GPHN: variants seen among roughly 807,000 people sequenced by gnomAD.
GPHN encodes gephyrin.
In GPHN, 17 loss-of-function variants were observed where a neutral mutation model predicts 95.5. That is an observed-to-expected ratio of 0.18 (90% CI 0.12 to 0.27). The LOEUF (loss-of-function observed/expected upper bound fraction) is 0.27, where lower values mean the gene tolerates loss of function less well. Ranked by LOEUF, GPHN falls within the 10% of genes least tolerant of loss-of-function variation. The probability of loss-of-function intolerance (pLI) is 1.00; values close to 1 mark genes in which losing one functional copy is unlikely to be tolerated. For synonymous variants in GPHN, 320 were observed against 322.5 expected, an observed-to-expected ratio of 0.99 and a Z score of 0.08; for missense variants, 660 against 978.1, an observed-to-expected ratio of 0.67 and a Z score of 4.34.
At chr14:67,407,284 G>T in the GPHN span, among the ~76,000 whole-genome samples, 4 of 151,906 alleles carry the variant, frequency 2.6e-5, no homozygotes, top group Non-Finnish European at 5.9e-5. Flanking sequence ...ACCACACCTG[G>T]CTAATTTTTT....
At chr14:67,337,097 T>C in the GPHN span, among the ~76,000 whole-genome samples, 1 of 152,262 alleles carries the variant, frequency 6.6e-6, no homozygotes, top group Non-Finnish European at 1.5e-5. Flanking sequence ...TATGTGCCTC[T>C]TATGGTTGTT....
intron 5 of GPHN, among the ~76,000 whole-genome samples, chr14:66,889,122 G>A (rs2064343161): frequency 6.6e-6 from 1 of 151,950 alleles, no homozygotes; most frequent in Non-Finnish European, 1.5e-5. Context: ...AATTGAAGAG[G>A]AAAATAGACA....
chr14:66,815,508 T>A (rs889642052), intron 3 of GPHN, among the ~76,000 whole-genome samples: 1 of 152,196 alleles, frequency 6.6e-6, no homozygotes, highest in Non-Finnish European at 1.5e-5. Flanking sequence ...TGGGGCCCAA[T>A]ATTCAGTATT....
At chr14:66,780,929 A>G (rs2059582681) in intron 3 of GPHN, among the ~76,000 whole-genome samples, 1 of 152,232 alleles carries the variant, frequency 6.6e-6, no homozygotes, top group Admixed American at 6.5e-5. Flanking sequence ...TATGCTACCT[A>G]TAGTATATAC....
chr14:67,675,877 C>T, the GPHN span, among the ~76,000 whole-genome samples: 47 of 152,228 alleles, frequency 3.1e-4, 1 homozygote, highest in African/African-American at 1.1e-3. Context: ...GGGCGGATCA[C>T]TTCAGGTCAA....
chr14:67,306,702 A>G, the GPHN span, among the ~76,000 whole-genome samples: 2 of 152,122 alleles, frequency 1.3e-5, no homozygotes, highest in South Asian at 4.1e-4. Flanking sequence ...ATAACTCTCA[A>G]TTGCAATATA....
the GPHN span, chr14:67,674,694 C>A: frequency 2.2e-6 from 1 of 456,816 alleles, no homozygotes; most frequent in African/African-American, 2.1e-5. Context: ...GGAGCGCCGG[C>A]GCGAAAGCCT....
At chr14:67,044,979 A>G (rs574431842) in intron 10 of GPHN, among the ~76,000 whole-genome samples, 4 of 152,242 alleles carry the variant, frequency 2.6e-5, no homozygotes, top group South Asian at 2.1e-4. Flanking sequence ...TTTCATCTCC[A>G]TACAGAATCC....
intron 18 of GPHN, among the ~76,000 whole-genome samples, chr14:67,150,453 C>CAAAAAAAAAAAAAAA (rs1164806975): frequency 2.9e-3 from 279 of 97,692 alleles, no homozygotes; most frequent in Middle Eastern, 0.018. Flanking sequence ...AAAAAAAAAA[C>CAAAAAAAAAAAAAAA]AAAAAAAAAA....
At chr14:67,651,012 A>G in the GPHN span, 1 of 1,291,490 alleles carries the variant, frequency 7.7e-7, no homozygotes, top group Non-Finnish European at 1.1e-6. Context: ...TGTCTGGGTC[A>G]ATACTGCCTT....
At position 66,867,167 on chromosome 14, in the gene GPHN, A is replaced by C. The variant is rs112604193; in HGVS notation, c.295-12772A>C. Among the ~76,000 whole-genome samples, 471 of 152,310 alleles carry C rather than the reference A, an allele frequency of 3.1e-3. 11 individuals carry two copies. Among genetic ancestry groups the C allele is most frequent in the African/African-American group, 0.011 (446 of 41,576 alleles). On this transcript the variant is annotated intron_variant, in intron 4 of 22. Transcript: ENST00000478722. Reference sequence around the variant, plus strand: ...TTTAAGAATATTAAAACCCCAAGAAAAGATGTTCATTAGCAATAAGATAAT... The same window carrying C: ...TTTAAGAATATTAAAACCCCAAGAACAGATGTTCATTAGCAATAAGATAAT...
intron 12 of GPHN, among the ~76,000 whole-genome samples, chr14:67,097,016 A>G (rs570342433): frequency 2.0e-5 from 3 of 152,346 alleles, no homozygotes; most frequent in East Asian, 3.9e-4. Context: ...TCGTGCATGA[A>G]TCTTCTAAGA....
the GPHN span, among the ~76,000 whole-genome samples, chr14:67,607,878 A>C: frequency 6.6e-6 from 1 of 152,178 alleles, no homozygotes; most frequent in African/African-American, 2.4e-5. Context: ...CCAGAGATAG[A>C]GGTATCCAGT....
At chr14:67,318,306 T>G in the GPHN span, among the ~76,000 whole-genome samples, 2 of 151,102 alleles carry the variant, frequency 1.3e-5, no homozygotes, top group African/African-American at 4.9e-5. Flanking sequence ...AAATGAGGTT[T>G]GATCAACTTT....
chr14:67,727,087 C>T, the GPHN span: 2 of 1,614,094 alleles, frequency 1.2e-6, no homozygotes, highest in African/African-American at 2.7e-5. Flanking sequence ...AGATTCCCTT[C>T]CACGACCTCC....
intron 1 of GPHN, among the ~76,000 whole-genome samples, chr14:66,540,813 G>A (rs1013945157): frequency 2.0e-5 from 3 of 152,158 alleles, no homozygotes; most frequent in African/African-American, 7.2e-5. Flanking sequence ...TTGCACTGTT[G>A]TCCAGGCTGG....
chr14:67,213,095 G>GTTTTT, the GPHN span, among the ~76,000 whole-genome samples: 1 of 135,682 alleles, frequency 7.4e-6, no homozygotes, highest in African/African-American at 2.6e-5. Context: ...ATTCTGTGGT[G>GTTTTT]TTTTTTTTTT....
At chr14:66,735,341 G>A (rs1332724114) in intron 2 of GPHN, among the ~76,000 whole-genome samples, 3 of 152,032 alleles carry the variant, frequency 2.0e-5, no homozygotes, top group African/African-American at 7.2e-5. Context: ...AGTTAACTGT[G>A]AGAAAAAGCA....
At chr14:67,028,355 T>TTTG (rs1157164326) in intron 10 of GPHN, among the ~76,000 whole-genome samples, 1 of 152,232 alleles carries the variant, frequency 6.6e-6, no homozygotes, top group Admixed American at 6.5e-5. Flanking sequence ...TTTGATATGC[T>TTTG]GATTTCCTTT....
Sources: gnomAD v4.1 joint callset for allele counts (sites outside exome capture counted in the v4.1 genomes callset) on GRCh38, gnomAD v4.1.1 for gene constraint, MANE v1.5 for transcripts, NCBI Gene and HGNC (gene_info 2026-07-23, HGNC 2026-07-21) for gene names.